The following TRIP11 variants were observed in gnomAD, a reference collection of about 807,000 sequenced individuals.
TRIP11 encodes thyroid hormone receptor interactor 11.
TRIP11 carries 148 observed loss-of-function variants against 223.1 expected under a neutral mutation model. The observed-to-expected ratio is 0.66, with a 90% CI of 0.58 to 0.76. The LOEUF (loss-of-function observed/expected upper bound fraction) is 0.76, where lower values mean the gene tolerates loss of function less well. Ranked by LOEUF, TRIP11 falls within the 30% of genes least tolerant of loss-of-function variation. TRIP11 has a pLI of 0.00. For missense variants in TRIP11, 2,043 were observed against 2,222.0 expected (o/e 0.92, Z 1.62); for synonymous variants, 762 against 772.6 (o/e 0.99, Z 0.23).
chr14:92,019,399 A>C (rs1231992899), intron 4 of TRIP11, among the ~76,000 whole-genome samples: 1 of 152,214 alleles, frequency 6.6e-6, no homozygotes, highest in Non-Finnish European at 1.5e-5. Flanking sequence ...AATACTGCCA[A>C]GTTCTCCAGG....
At chr14:91,983,140 C>T (rs2056564963) in intron 16 of TRIP11, among the ~76,000 whole-genome samples, 2 of 152,216 alleles carry the variant, frequency 1.3e-5, no homozygotes, top group African/African-American at 2.4e-5. Context: ...GCTACCAACA[C>T]CAAGTACAAA....
chr14:91,970,475 C>T (rs1248412545), intron 20 of TRIP11, among the ~76,000 whole-genome samples: 1 of 151,514 alleles, frequency 6.6e-6, no homozygotes, highest in Non-Finnish European at 1.5e-5. Context: ...AATTCCTAAA[C>T]ACAAATACTA....
chr14:92,007,835 T>C lies in TRIP11; in HGVS notation c.1332A>G (p.Ser444=), dbSNP rs1296395138. ...LSQEKEELQM[S]LLKLNNEYEV... ...CATATTCATTGTTCAATTTTAAAAG[T>C]GACATCTGAAGTTCTTCCTGAAATG... The change falls in exon 10 of 21, where the codon TCA becomes TCG. Residue 444 remains serine, a synonymous_variant. Coordinates refer to ENST00000267622, the MANE Select transcript of TRIP11 (RefSeq NM_004239.4). The C allele has an allele frequency of 6.2e-7, 1 of 1,609,908 alleles. No individual in the cohort carries two copies. Among genetic ancestry groups the C allele is most frequent in the Non-Finnish European group, 8.5e-7 (1 of 1,178,088 alleles).
At chr14:92,006,819 C>T (rs951735568) in intron 10 of TRIP11, among the ~76,000 whole-genome samples, 2 of 152,058 alleles carry the variant, frequency 1.3e-5, no homozygotes, top group Non-Finnish European at 2.9e-5. Context: ...CAGGCATGCG[C>T]CACCACACCC....
rs766182191 is a variant in TRIP11, at chr14:92,004,248, T to C, written c.3728A>G (p.Gln1243Arg). ...QNMQHESAQL[Q>R]EELHQLQAQV... Reference sequence around the variant, plus strand: ...TGCTTGAAGTTGGTGAAGCTCTTCCTGAAGCTGGGCTGACTCGTGTTGCAT... The same window carrying C: ...TGCTTGAAGTTGGTGAAGCTCTTCCCGAAGCTGGGCTGACTCGTGTTGCAT... The change falls in exon 11 of 21, where the codon CAG (glutamine) becomes CGG (arginine). Residue 1243 changes from glutamine (Q) to arginine (R), a missense_variant. By Grantham distance (43) the Gln-to-Arg change is conservative. Transcript: ENST00000267622. 2.5e-6 allele frequency: 4 copies of C among 1,614,040 alleles called. No homozygotes were observed. The Admixed American group carries it at 6.7e-5, about 27-fold the overall frequency.
chr14:92,013,626 C>G (rs1437216324), intron 7 of TRIP11, among the ~76,000 whole-genome samples: 1 of 152,048 alleles, frequency 6.6e-6, no homozygotes, highest in Non-Finnish European at 1.5e-5. Context: ...GTGGGTTTGT[C>G]TTTTAAGCAC....
At chr14:92,015,663 AAAT>A (rs540931279) in intron 6 of TRIP11, 30 bp downstream of exon 6, 8 of 1,538,206 alleles carry the variant, frequency 5.2e-6, no homozygotes, top group Non-Finnish European at 5.3e-6. Context: ...ATCTCAAAAA[AAAT>A]AATAATAATA....
intron 2 of TRIP11, chr14:92,026,626 A>G: frequency 8.2e-7 from 1 of 1,225,262 alleles, no homozygotes; most frequent in Non-Finnish European, 1.2e-6. Flanking sequence ...AAAGGAGAAG[A>G]AGGAAGTTGT....
intron 19 of TRIP11, among the ~76,000 whole-genome samples, chr14:91,973,728 A>T (rs2140081561): frequency 6.6e-6 from 1 of 152,246 alleles, no homozygotes; most frequent in African/African-American, 2.4e-5. Flanking sequence ...TGTCCTCTTT[A>T]TTAAAAAACT....
At chr14:92,035,250 G>C (rs1234073894) in intron 1 of TRIP11, among the ~76,000 whole-genome samples, 1 of 151,792 alleles carries the variant, frequency 6.6e-6, no homozygotes, top group Non-Finnish European at 1.5e-5. Context: ...GAACTGGGGA[G>C]GCAGAAGCTG....
chr14:91,997,559 A>G (rs2056766463), intron 13 of TRIP11, among the ~76,000 whole-genome samples: 1 of 152,170 alleles, frequency 6.6e-6, no homozygotes, highest in African/African-American at 2.4e-5. Flanking sequence ...AGCACCCTTT[A>G]GGAAGAAAAT....
chr14:91,991,855 G>A (rs56396284), intron 15 of TRIP11, among the ~76,000 whole-genome samples: 2,006 of 152,020 alleles, frequency 0.013, 30 homozygotes, highest in African/African-American at 0.045. Flanking sequence ...GGCTGATGTG[G>A]ATGGATCACC....
intron 16 of TRIP11, among the ~76,000 whole-genome samples, chr14:91,981,010 A>ATTTTTTTTTT (rs1444189118): frequency 1.1e-4 from 6 of 55,834 alleles, no homozygotes; most frequent in African/African-American, 3.4e-4. Flanking sequence ...ATATATATAT[A>ATTTTTTTTTT]TATTTTTTTT....
chr14:92,007,030 TA>T lies in TRIP11; in HGVS notation c.1528-583del, dbSNP rs1180895912. ...ATTTAAAACCAAAGATGGTAAATAGTATTTTTTTTTTTTTTGAGACAGAGTC... is the reference window on the plus strand; with the variant it reads ...ATTTAAAACCAAAGATGGTAAATAGTTTTTTTTTTTTTTTGAGACAGAGTC... On this transcript the variant is annotated intron_variant, in intron 10 of 20. Transcript: ENST00000267622. 1.0e-3 allele frequency among the ~76,000 whole-genome samples: 146 copies of T among 142,244 alleles called. 1 individual carries two copies. The highest frequency in any genetic ancestry group is 4.0e-3 in the African/African-American group (141 of 35,174). The allele number at this position is 142,244 out of a possible 152,430, so 93.3% of individuals were successfully genotyped here. A position where few individuals can be genotyped will look rare whatever the true frequency, so the allele number is the denominator to read the frequency against.
chr14:92,005,951 G>T lies in TRIP11; in HGVS notation c.2025C>A (p.Val675=), dbSNP rs1233049872. 1 of 1,612,904 alleles carries T rather than the reference G, an allele frequency of 6.2e-7. No individual in the cohort carries two copies. Among genetic ancestry groups the T allele is most frequent in the Non-Finnish European group, 8.5e-7 (1 of 1,179,816 alleles). The part of the protein sequence containing the change: ...NENLKKVAFD[V]KMENEKLVLA... ...AAACTAACTTTTCATTTTCCATTTT[G>T]ACATCAAAAGCAACTTTCTTTAAAT... Residue 675 remains valine, a synonymous_variant, in exon 11 of 21, where the codon GTC becomes GTA. Coordinates refer to ENST00000267622, the MANE Select transcript of TRIP11 (RefSeq NM_004239.4).
intron 2 of TRIP11, 93 bp from the exon 3 acceptor site, chr14:92,025,513 C>CG: frequency 9.6e-6 from 8 of 832,554 alleles, no homozygotes; most frequent in Non-Finnish European, 1.5e-5. Context: ...CTGCTTTCCC[C>CG]CCCCAAAAAT....
At position 91,988,395 on chromosome 14, in the gene TRIP11, A is replaced by G. The variant is rs1314847062; in HGVS notation, c.5161-12T>C. On this transcript the variant is annotated splice_polypyrimidine_tract_variant and intron_variant, in intron 15 of 20. Transcript: ENST00000267622. Reference sequence around the variant, plus strand: ...TCATCCAAACATTCCTGAGAAAGAAAACTTTATTAAAAAAAAGTATGCAAA... The same window carrying G: ...TCATCCAAACATTCCTGAGAAAGAAGACTTTATTAAAAAAAAGTATGCAAA... 1 of 1,610,828 alleles carries G rather than the reference A, an allele frequency of 6.2e-7. No homozygotes were observed. The highest frequency in any genetic ancestry group is 8.5e-7 in the Non-Finnish European group (1 of 1,177,438).
At chr14:91,986,827 A>C (rs1036403499) in intron 16 of TRIP11, among the ~76,000 whole-genome samples, 1 of 152,218 alleles carries the variant, frequency 6.6e-6, no homozygotes, top group South Asian at 2.1e-4. Context: ...TTTTCTAAAT[A>C]AATACTGCTC....
rs2056348888 is a variant in TRIP11, at chr14:91,967,134, G to GGTTTTTTTTTTTTTTTTTTTTTTT, written c.*2538_*2539insAAAAAAAAAAAAAAAAAAAAAAAC. 1 of 113,828 alleles carries GGTTTTTTTTTTTTTTTTTTTTTTT rather than the reference G, an allele frequency of 8.8e-6. No individual in the cohort carries two copies. Among genetic ancestry groups the GGTTTTTTTTTTTTTTTTTTTTTTT allele is most frequent in the African/African-American group, 4.8e-5 (1 of 20,828 alleles). The allele number at this position is 113,828 out of a possible 1,614,324, so 7.1% of individuals were successfully genotyped here. A position where few individuals can be genotyped will look rare whatever the true frequency, so the allele number is the denominator to read the frequency against. On this transcript the variant is annotated 3_prime_UTR_variant, in exon 21 of 21. Coordinates refer to ENST00000267622, the MANE Select transcript of TRIP11 (RefSeq NM_004239.4). The stretch of plus-strand genomic sequence containing the variant: ...CACAATGAAAACATTAGGTACTATA[G>GGTTTTTTTTTTTTTTTTTTTTTTT]CTTTTTTTTTTTTTTTTTTTTTTTT...
Sources: gnomAD v4.1 joint callset for allele counts (sites outside exome capture counted in the v4.1 genomes callset) on GRCh38, gnomAD v4.1.1 for gene constraint, MANE v1.5 for transcripts, NCBI Gene and HGNC (gene_info 2026-07-23, HGNC 2026-07-21) for gene names.